The following JAZF1 variants were observed in gnomAD, a reference collection of about 807,000 sequenced individuals.
JAZF1 encodes juxtaposed with another zinc finger protein 1.
Under a neutral mutation model 26.4 loss-of-function variants are expected in JAZF1, and 8 were observed. That is an observed-to-expected ratio of 0.30 (90% CI 0.18 to 0.55). The LOEUF (loss-of-function observed/expected upper bound fraction) is 0.55. Ranked by LOEUF, JAZF1 falls within the 20% of genes least tolerant of loss-of-function variation. JAZF1 has a pLI of 0.94. For synonymous variants in JAZF1, 126 were observed against 122.3 expected (o/e 1.03, Z -0.20); for missense variants, 199 against 322.0 (o/e 0.62, Z 2.92).
chr7:28,046,285 C>A (rs1159102044), intron 1 of JAZF1, among the ~76,000 whole-genome samples: 1 of 152,202 alleles, frequency 6.6e-6, no homozygotes, highest in Non-Finnish European at 1.5e-5. Flanking sequence ...TCAAGGTCAA[C>A]CAGCTGGTAG....
chr7:27,896,776 T>C (rs1784072815), intron 2 of JAZF1, among the ~76,000 whole-genome samples: 1 of 152,242 alleles, frequency 6.6e-6, no homozygotes, highest in South Asian at 2.1e-4. Flanking sequence ...GGAACATGGA[T>C]GGCACATTTC....
chr7:27,884,458 T>C (rs1397202761), intron 3 of JAZF1, among the ~76,000 whole-genome samples: 1 of 152,222 alleles, frequency 6.6e-6, no homozygotes, highest in East Asian at 1.9e-4. Flanking sequence ...GATAAATGTA[T>C]ACATTTGTGA....
intron 1 of JAZF1, among the ~76,000 whole-genome samples, chr7:28,173,880 T>TA (rs58075065): frequency 0.12 from 11,430 of 92,974 alleles, 1,062 homozygotes; most frequent in Non-Finnish European, 0.18. Context: ...CAGCTAGCTT[T>TA]AAAAAAAAAA....
chr7:27,849,486 C>G (rs1452542964), intron 3 of JAZF1, among the ~76,000 whole-genome samples: 1 of 152,126 alleles, frequency 6.6e-6, no homozygotes, highest in Non-Finnish European at 1.5e-5. Context: ...TGCCACTCAT[C>G]TTTCTTGGGT....
Position 28,180,106 on chromosome 7 carries a change from C to CCGCCCCG in JAZF1, c.115+350_115+356dup, listed in dbSNP as rs1187294582. On this transcript the variant is annotated intron_variant, in intron 1 of 4. Coordinates refer to ENST00000283928, the MANE Select transcript of JAZF1 (RefSeq NM_175061.4). ...CAGCTCCCGCCGCCCGCCGCGCCCT[C>CCGCCCCG]CGCCCCGCGCCCCGCGCGCCGGCAC... Among the ~76,000 whole-genome samples, 830 of 145,534 alleles carry CCGCCCCG rather than the reference C, an allele frequency of 5.7e-3. 27 individuals are homozygous for CCGCCCCG. Among genetic ancestry groups the CCGCCCCG allele is most frequent in the Admixed American group, 0.053 (769 of 14,540 alleles).
At chr7:27,962,074 T>C (rs1446890875) in intron 2 of JAZF1, among the ~76,000 whole-genome samples, 3 of 152,206 alleles carry the variant, frequency 2.0e-5, no homozygotes, top group African/African-American at 7.2e-5. Context: ...TCATAAACAC[T>C]CTTTGCTTTT....
intron 2 of JAZF1, among the ~76,000 whole-genome samples, chr7:27,959,754 G>C (rs1409468457): frequency 6.6e-6 from 1 of 152,036 alleles, no homozygotes; most frequent in African/African-American, 2.4e-5. Flanking sequence ...AAAAAAATTA[G>C]CTGGGCATGT....
At chr7:27,862,670 T>G (rs1157863246) in intron 3 of JAZF1, among the ~76,000 whole-genome samples, 5 of 152,174 alleles carry the variant, frequency 3.3e-5, no homozygotes, top group Non-Finnish European at 7.3e-5. Flanking sequence ...AAGTTCCAGC[T>G]TTTTCTAGTC....
At chr7:27,983,226 A>G (rs2128362742) in intron 2 of JAZF1, among the ~76,000 whole-genome samples, 1 of 152,342 alleles carries the variant, frequency 6.6e-6, no homozygotes, top group South Asian at 2.1e-4. Context: ...ATGGCTAACT[A>G]GAATAAATAG....
chr7:28,158,174 C>T (rs1288710858), intron 1 of JAZF1, among the ~76,000 whole-genome samples: 1 of 86,842 alleles, frequency 1.2e-5, no homozygotes, highest in African/African-American at 5.8e-5. Flanking sequence ...CACAAACACA[C>T]ACACACACAC....
chr7:28,148,032 A>G (rs1247628167), intron 1 of JAZF1, among the ~76,000 whole-genome samples: 1 of 151,628 alleles, frequency 6.6e-6, no homozygotes, highest in African/African-American at 2.4e-5. Flanking sequence ...ATCTTTGTGC[A>G]TTATATATAT....
chr7:28,037,967 A>G (rs2128376459), intron 1 of JAZF1, among the ~76,000 whole-genome samples: 1 of 152,340 alleles, frequency 6.6e-6, no homozygotes, highest in East Asian at 1.9e-4. Flanking sequence ...GCTTTACTAG[A>G]AATGGGCAGA....
chr7:27,893,352 A>G (rs1784005336), intron 3 of JAZF1, among the ~76,000 whole-genome samples: 2 of 152,198 alleles, frequency 1.3e-5, no homozygotes, highest in South Asian at 4.1e-4. Context: ...ATGGCTAAGG[A>G]GATGATGGTG....
At position 27,836,283 on chromosome 7, in the gene JAZF1, G is replaced by GAA. The variant is rs1369323753; in HGVS notation, c.556-3309_556-3308dup. Among the ~76,000 whole-genome samples, 6 of 147,628 alleles carry GAA rather than the reference G, an allele frequency of 4.1e-5. No homozygotes were observed. The South Asian group carries it at 1.3e-3, about 33-fold the overall frequency. ...TCAAGCTAGTAAGGGAAGAAAGTGG[G>GAA]AAGGTAGGAGGTAGAAAGGAGAACT... On this transcript the variant is annotated intron_variant, in intron 4 of 4. Transcript: ENST00000283928.
intron 3 of JAZF1, 39 bp downstream of exon 3, chr7:27,895,181 C>G: frequency 7.2e-7 from 1 of 1,393,990 alleles, no homozygotes; most frequent in South Asian, 1.4e-5. Context: ...TCTTTCTCCC[C>G]TCTCCTCCTT....
intron 1 of JAZF1, among the ~76,000 whole-genome samples, chr7:28,143,107 C>G (rs1042015370): frequency 6.6e-6 from 1 of 152,304 alleles, no homozygotes; most frequent in Middle Eastern, 3.4e-3. Context: ...GTCCAACCCT[C>G]TGGGTCTAGT....
intron 1 of JAZF1, among the ~76,000 whole-genome samples, chr7:28,149,897 T>C (rs965271262): frequency 6.6e-6 from 1 of 152,192 alleles, no homozygotes; most frequent in Non-Finnish European, 1.5e-5. Context: ...ACAATGCTGA[T>C]TGGAAAGTCC....
At chr7:27,880,408 G>A (rs2128339435) in intron 3 of JAZF1, among the ~76,000 whole-genome samples, 1 of 152,258 alleles carries the variant, frequency 6.6e-6, no homozygotes, top group East Asian at 1.9e-4. Context: ...GGTGAGGTGG[G>A]CGGATCACGA....
chr7:27,967,076 C>T (rs2128358682), intron 2 of JAZF1, among the ~76,000 whole-genome samples: 1 of 152,326 alleles, frequency 6.6e-6, no homozygotes, highest in East Asian at 1.9e-4. Flanking sequence ...TCATAAAGCA[C>T]ATTTTTATGC....
Sources: gnomAD v4.1 joint callset for allele counts (sites outside exome capture counted in the v4.1 genomes callset) on GRCh38, gnomAD v4.1.1 for gene constraint, MANE v1.5 for transcripts, NCBI Gene and HGNC (gene_info 2026-07-23, HGNC 2026-07-21) for gene names.